SAR1B: variants seen among roughly 807,000 people sequenced by gnomAD.
The protein encoded by SAR1B is secretion associated Ras related GTPase 1B, also known as small COPII coat GTPase SAR1B.
Under a neutral mutation model 26.8 loss-of-function variants are expected in SAR1B, and 23 were observed. The ratio of observed to expected loss-of-function variants is 0.86; its 90% confidence interval spans 0.62 to 1.22. The LOEUF is 1.22. Ranked by LOEUF, SAR1B falls within the 50% of genes most tolerant of loss-of-function variation. The pLI, the probability that SAR1B is intolerant of heterozygous loss-of-function variation, is 0.00. For synonymous variants in SAR1B, 65 were observed against 80.8 expected (o/e 0.80, Z 1.05); for missense variants, 196 against 232.8 (o/e 0.84, Z 1.03).
intron 1 of SAR1B, chr5:134,632,031 T>G (rs1217148009): frequency 2.6e-5 from 4 of 152,152 alleles, no homozygotes; most frequent in African/African-American, 9.7e-5. Context: ...AAACCCCATC[T>G]CTACTAAAAA....
chr5:134,627,054 C>A (rs1167635301), intron 1 of SAR1B, among the ~76,000 whole-genome samples: 4 of 151,766 alleles, frequency 2.6e-5, no homozygotes, highest in African/African-American at 9.7e-5. Flanking sequence ...TACACAAAAC[C>A]ATTTACTTTT....
chr5:134,627,752 T>C (rs1765518183), intron 1 of SAR1B, among the ~76,000 whole-genome samples: 5 of 150,558 alleles, frequency 3.3e-5, no homozygotes, highest in Admixed American at 2.0e-4. Context: ...TGAGCCGAGA[T>C]TGCGCCACTG....
intron 3 of SAR1B, among the ~76,000 whole-genome samples, chr5:134,616,203 G>A (rs1013169493): frequency 1.3e-5 from 2 of 151,012 alleles, no homozygotes; most frequent in East Asian, 1.9e-4. Flanking sequence ...TTGGAAGGCC[G>A]AGGGGGGCGG....
chr5:134,611,384 G>T (rs1765210266), intron 4 of SAR1B, among the ~76,000 whole-genome samples: 1 of 152,046 alleles, frequency 6.6e-6, no homozygotes, highest in Non-Finnish European at 1.5e-5. Context: ...GGTTAGTTAT[G>T]ACTTACTATG....
chr5:134,622,352 G>C (rs1030028434), intron 2 of SAR1B, among the ~76,000 whole-genome samples: 3 of 150,682 alleles, frequency 2.0e-5, no homozygotes, highest in African/African-American at 7.3e-5. Flanking sequence ...AAAAGTAATT[G>C]AACATATTTG....
rs563842737 is a variant in SAR1B, at chr5:134,630,572, C to T, written c.-19+2156G>A. ...CCAAGCCGGACAGATCACTTGAGTTCGGGAGTTCAAGACCAGCCTGGCCAA... is the reference window on the plus strand; with the variant it reads ...CCAAGCCGGACAGATCACTTGAGTTTGGGAGTTCAAGACCAGCCTGGCCAA... On this transcript the variant is annotated intron_variant, in intron 1 of 6. Transcript: ENST00000402673. Among the ~76,000 whole-genome samples, 8 of 150,914 alleles carry T rather than the reference C, an allele frequency of 5.3e-5. No individual in the cohort carries two copies. In the South Asian group the frequency reaches 6.2e-4, roughly 12 times the overall value.
At chr5:134,611,750 G>A (rs1345053247) in intron 4 of SAR1B, among the ~76,000 whole-genome samples, 2 of 152,112 alleles carry the variant, frequency 1.3e-5, no homozygotes, top group Middle Eastern at 3.2e-3. Flanking sequence ...GCATACGCTG[G>A]GGCCTAAAGG....
chr5:134,624,362 T>C (rs1056547454), intron 1 of SAR1B, among the ~76,000 whole-genome samples: 6 of 151,968 alleles, frequency 3.9e-5, no homozygotes, highest in African/African-American at 9.7e-5. Flanking sequence ...TGAGTGGAGA[T>C]TGTGCCACTG....
chr5:134,629,469 C>T (rs1352495946), intron 1 of SAR1B, among the ~76,000 whole-genome samples: 3 of 151,944 alleles, frequency 2.0e-5, no homozygotes, highest in South Asian at 2.1e-4. Context: ...GAGGCCGAGG[C>T]GGGCAGATCA....
rs887846331 is a variant in SAR1B at position 134,604,240 on chromosome 5, A to T, written c.*2710T>A. On this transcript the variant is annotated 3_prime_UTR_variant, in exon 7 of 7. Transcript: ENST00000402673. The stretch of plus-strand genomic sequence containing the variant: ...TACATTTCAGACTTTAGATTTTAAA[A>T]AATCTTTTGGACAGTGCCTGATTTG... The T allele has an allele frequency of 2.0e-5, 3 of 152,196 alleles. No homozygotes were observed. Among genetic ancestry groups the T allele is most frequent in the African/African-American group, 7.2e-5 (3 of 41,452 alleles). 9.4% of individuals were successfully genotyped at this position (152,196 alleles called of 1,614,324 possible).
chr5:134,608,266 T>C (rs935059165), intron 6 of SAR1B, 106 bp downstream of exon 6: 10 of 1,228,616 alleles, frequency 8.1e-6, no homozygotes, highest in Non-Finnish European at 3.4e-6. Flanking sequence ...GACAGTTTTC[T>C]TTAAGAAAAT....
chr5:134,615,730 TGG>T (rs1348546169), intron 3 of SAR1B, among the ~76,000 whole-genome samples: 17 of 150,764 alleles, frequency 1.1e-4, no homozygotes, highest in Middle Eastern at 7.4e-3. Context: ...GGCAGGAGAA[TGG>T]CATGAACGCG....
intron 1 of SAR1B, among the ~76,000 whole-genome samples, chr5:134,626,291 T>C (rs1480328279): frequency 3.5e-5 from 3 of 85,210 alleles, no homozygotes; most frequent in African/African-American, 1.4e-4. Context: ...AGAGCAAGAC[T>C]CTGCCTCAAA....
intron 1 of SAR1B, among the ~76,000 whole-genome samples, chr5:134,628,608 G>T (rs1226924562): frequency 2.6e-5 from 4 of 152,130 alleles, no homozygotes; most frequent in African/African-American, 9.6e-5. Context: ...CTGAGACCAG[G>T]AGTTAAAGAC....
In SAR1B at chr5:134,617,584, G is replaced by A. The variant is rs188993001; in HGVS notation, c.178+3349C>T. ...AATAAATATTTGAATAAATGAAATA[G>A]AGCAACGTCAAAAAATTAAAAAATG... On this transcript the variant is annotated intron_variant, in intron 3 of 6. Transcript: ENST00000402673. 1.0e-3 allele frequency among the ~76,000 whole-genome samples: 157 copies of A among 152,304 alleles called. 1 individual carries two copies. The East Asian group carries it at 0.027, about 27-fold the overall frequency.
At chr5:134,628,163 T>G (rs143110258) in intron 1 of SAR1B, among the ~76,000 whole-genome samples, 29 of 150,372 alleles carry the variant, frequency 1.9e-4, no homozygotes, top group Middle Eastern at 3.4e-3. Context: ...AGAAAAAAAA[T>G]ACATATTTAG....
At chr5:134,620,822 G>C in intron 3 of SAR1B, 111 bp downstream of exon 3, 2 of 1,267,372 alleles carry the variant, frequency 1.6e-6, no homozygotes, top group Non-Finnish European at 2.3e-6. Flanking sequence ...CCACTGCATT[G>C]CAGCCTGGGC....
chr5:134,621,340 C>T (rs1023931533), intron 2 of SAR1B, among the ~76,000 whole-genome samples: 2 of 152,070 alleles, frequency 1.3e-5, no homozygotes, highest in Admixed American at 1.3e-4. Context: ...TGTGGTGGCG[C>T]ATGCCTGTAA....
intron 2 of SAR1B, among the ~76,000 whole-genome samples, chr5:134,622,555 C>T (rs1183065193): frequency 7.9e-5 from 12 of 151,460 alleles, no homozygotes; most frequent in African/African-American, 2.2e-4. Context: ...GGACTACAGG[C>T]GCGTGCCACC....
Sources: allele counts gnomAD v4.1 joint callset (sites outside exome capture counted in the v4.1 genomes callset), GRCh38; gene constraint gnomAD v4.1.1; transcripts MANE v1.5; gene names NCBI Gene and HGNC (gene_info 2026-07-23, HGNC 2026-07-21).